The following TNS1 variants were observed in gnomAD, a reference collection of about 807,000 sequenced individuals.
The protein encoded by TNS1 is tensin 1.
A neutral mutation model predicts 168.6 loss-of-function variants in TNS1; 62 were observed. That is an observed-to-expected ratio of 0.37 (90% CI 0.30 to 0.45). The LOEUF (loss-of-function observed/expected upper bound fraction) is 0.45. TNS1 is among the 20% of genes least tolerant of loss of function. The pLI is 1.00. For missense variants in TNS1, 2,240 were observed against 2,339.4 expected, an observed-to-expected ratio of 0.96 and a Z score of 0.88; for synonymous variants, 934 against 933.2, an observed-to-expected ratio of 1.00 and a Z score of -0.02.
At chr2:217,996,400 G>T (rs958271238) in intron 1 of TNS1, among the ~76,000 whole-genome samples, 1 of 152,138 alleles carries the variant, frequency 6.6e-6, no homozygotes, top group African/African-American at 2.4e-5. Context: ...TGTGGGGAAG[G>T]CTCAGATCCC....
chr2:218,026,675 T>C (rs939831178), intron 1 of TNS1, among the ~76,000 whole-genome samples: 1 of 152,138 alleles, frequency 6.6e-6, no homozygotes, highest in African/African-American at 2.4e-5. Context: ...CCAGCCCTTT[T>C]CCCACCCACC....
intron 19 of TNS1, chr2:217,842,104 C>T (rs1559212837): frequency 1.4e-6 from 1 of 703,046 alleles, no homozygotes; most frequent in Non-Finnish European, 2.6e-6. Context: ...TGGTTCCCTC[C>T]TCCTGTCTGT....
At chr2:217,859,841 G>T in intron 18 of TNS1, 1 of 632,706 alleles carries the variant, frequency 1.6e-6, no homozygotes, top group Non-Finnish European at 2.8e-6. Context: ...ATCCTGATGT[G>T]CCCTGGAAAG....
At chr2:217,960,319 G>A (rs1018908360) in intron 3 of TNS1, among the ~76,000 whole-genome samples, 36 of 152,124 alleles carry the variant, frequency 2.4e-4, no homozygotes, top group Non-Finnish European at 4.4e-5. Flanking sequence ...GTGCTGCCAA[G>A]AATGCTCACT....
At chr2:217,820,397 G>A (rs540998777) in intron 23 of TNS1, among the ~76,000 whole-genome samples, 8 of 152,284 alleles carry the variant, frequency 5.3e-5, no homozygotes, top group African/African-American at 1.9e-4. Flanking sequence ...GCTGCTGCCT[G>A]TTAAGAGGCT....
chr2:217,814,429 G>A (rs753124688), intron 25 of TNS1, among the ~76,000 whole-genome samples: 1 of 152,166 alleles, frequency 6.6e-6, no homozygotes, highest in African/African-American at 2.4e-5. Context: ...AGCACAGGGA[G>A]GATGCAAGCC....
In TNS1 at chr2:217,809,562, T is replaced by C. The variant is rs1317733267; in HGVS notation, c.5273+261A>G. On this transcript the variant is annotated intron_variant, in intron 30 of 32. Transcript: ENST00000682258. ...ATGCATGGATGGATGGATGGATGGA[T>C]GGATGGATGGATGGATAGGTGCATG... Among the ~76,000 whole-genome samples, 6 of 113,726 alleles carry C rather than the reference T, an allele frequency of 5.3e-5. 3 individuals are homozygous for C. The highest frequency in any genetic ancestry group is 2.4e-4 in the African/African-American group (6 of 24,570). 74.6% of individuals were successfully genotyped at this position (113,726 alleles called of 152,430 possible).
At position 218,027,056 on chromosome 2, in the gene TNS1, G is replaced by A. The variant is rs889447548; in HGVS notation, c.156+6764C>T. On this transcript the variant is annotated intron_variant, in intron 1 of 1. Coordinates refer to the TNS1 transcript ENST00000649572. ...GGGCAGCCGGCTTCTGGGGGCCCAC[G>A]AAGGGAGGAGAGACTTTACGGCAAA... Among the ~76,000 whole-genome samples the A allele has an allele frequency of 4.6e-5, 7 of 151,962 alleles. 1 individual carries two copies. The highest frequency in any genetic ancestry group is 3.9e-4 in the Admixed American group (6 of 15,262).
chr2:217,807,385 GGAGCAGC>G (rs924276024), intron 32 of TNS1, among the ~76,000 whole-genome samples: 1 of 152,230 alleles, frequency 6.6e-6, no homozygotes, highest in African/African-American at 2.4e-5. Context: ...ACAACTGCAA[GGAGCAGC>G]AGAGCTTTCC....
intron 3 of TNS1, among the ~76,000 whole-genome samples, chr2:217,971,153 G>C (rs1384418594): frequency 1.3e-5 from 2 of 152,172 alleles, no homozygotes; most frequent in African/African-American, 2.4e-5. Context: ...GTTTTGACAG[G>C]TGCATGCATA....
chr2:217,889,162 C>T (rs994474364), intron 12 of TNS1, among the ~76,000 whole-genome samples: 1 of 152,240 alleles, frequency 6.6e-6, no homozygotes, highest in African/African-American at 2.4e-5. Flanking sequence ...AGGGCCCTAA[C>T]CAGAATTTTC....
chr2:218,027,782 G>A (rs1181232824), intron 1 of TNS1, among the ~76,000 whole-genome samples: 1 of 152,126 alleles, frequency 6.6e-6, no homozygotes, highest in Non-Finnish European at 1.5e-5. Context: ...GAGCAGAAAG[G>A]CAGAGGGGCT....
intron 18 of TNS1, among the ~76,000 whole-genome samples, chr2:217,870,593 C>T (rs1248693619): frequency 6.6e-6 from 1 of 152,136 alleles, no homozygotes; most frequent in Non-Finnish European, 1.5e-5. Flanking sequence ...TACACACTCC[C>T]CTGACCCCTG....
chr2:217,940,879 C>T (rs142443119), intron 3 of TNS1, among the ~76,000 whole-genome samples: 1 of 152,148 alleles, frequency 6.6e-6, no homozygotes, highest in Non-Finnish European at 1.5e-5. Flanking sequence ...TTGGGGAAAG[C>T]TTTGGCCCCA....
chr2:218,016,415 G>A (rs2106005580), intron 1 of TNS1, among the ~76,000 whole-genome samples: 1 of 152,270 alleles, frequency 6.6e-6, no homozygotes, highest in East Asian at 1.9e-4. Flanking sequence ...CTATCCAGCA[G>A]CTCCCCTCCA....
At chr2:217,894,735 A>T (rs1439046185) in intron 9 of TNS1, among the ~76,000 whole-genome samples, 1 of 152,100 alleles carries the variant, frequency 6.6e-6, no homozygotes, top group Non-Finnish European at 1.5e-5. Context: ...TAAATCCAAA[A>T]ACTAAACATC....
chr2:218,018,067 A>G (rs1042599934), intron 1 of TNS1, among the ~76,000 whole-genome samples: 4 of 152,222 alleles, frequency 2.6e-5, no homozygotes, highest in African/African-American at 9.7e-5. Context: ...AGAGGCTGGA[A>G]CCCAAGAAAA....
intron 3 of TNS1, among the ~76,000 whole-genome samples, chr2:217,954,429 A>G (rs895353214): frequency 2.6e-4 from 40 of 152,176 alleles, no homozygotes; most frequent in African/African-American, 9.4e-4. Context: ...ATGATAAGCT[A>G]TCATCTATGG....
intron 19 of TNS1, among the ~76,000 whole-genome samples, chr2:217,845,208 G>T (rs376592438): frequency 1.1e-4 from 16 of 152,338 alleles, no homozygotes; most frequent in African/African-American, 3.8e-4. Flanking sequence ...GGGGAGGAAA[G>T]CCAGGAGAAA....
Sources: allele counts gnomAD v4.1 joint callset (sites outside exome capture counted in the v4.1 genomes callset), GRCh38; gene constraint gnomAD v4.1.1; transcripts MANE v1.5; gene names NCBI Gene and HGNC (gene_info 2026-07-23, HGNC 2026-07-21).